Variants in SMG1 observed in about 807,000 individuals in gnomAD.
SMG1 encodes the protein SMG1 nonsense mediated mRNA decay associated PI3K related kinase.
SMG1 carries 22 observed loss-of-function variants against 419.9 expected under a neutral mutation model. The ratio of observed to expected loss-of-function variants is 0.05; its 90% confidence interval spans 0.04 to 0.07. The LOEUF (loss-of-function observed/expected upper bound fraction) is 0.07, where lower values mean the gene tolerates loss of function less well. SMG1 is among the 10% of genes least tolerant of loss of function. The pLI is 1.00. For synonymous variants in SMG1, 1,538 were observed against 1,553.5 expected (o/e 0.99, Z 0.23); for missense variants, 3,185 against 4,342.0 (o/e 0.73, Z 7.49).
At position 18,859,276 on chromosome 16, in the gene SMG1, C is replaced by G. The variant is rs530226861; in HGVS notation, c.3954-95G>C. ...GATAAGATGCTATCAAACTGACATCCAAAGTTAGGGGGCAGTAAGAGGAGC... is the reference window on the plus strand; with the variant it reads ...GATAAGATGCTATCAAACTGACATCGAAAGTTAGGGGGCAGTAAGAGGAGC... On this transcript the variant is annotated intron_variant, in intron 27 of 62. Transcript: ENST00000446231. The G allele has an allele frequency of 5.7e-4, 521 of 909,180 alleles. 6 individuals are homozygous for G. In the African/African-American group the frequency reaches 7.2e-3, roughly 13 times the overall value. The allele number at this position is 909,180 out of a possible 1,614,324, so 56.3% of individuals were successfully genotyped here. A position where few individuals can be genotyped will look rare whatever the true frequency, so the allele number is the denominator to read the frequency against.
intron 1 of SMG1, among the ~76,000 whole-genome samples, chr16:18,901,293 A>C (rs944290959): frequency 1.3e-5 from 2 of 152,130 alleles, no homozygotes; most frequent in African/African-American, 2.4e-5. Flanking sequence ...GCATGACCAT[A>C]GCTCACTGCA....
chr16:18,908,818 T>C (rs2037681828), intron 1 of SMG1, among the ~76,000 whole-genome samples: 1 of 149,858 alleles, frequency 6.7e-6, no homozygotes, highest in Non-Finnish European at 1.5e-5. Context: ...AGGTGGAGCA[T>C]GCAGTAAGCT....
At chr16:18,924,924 C>T (rs1311134903) in intron 1 of SMG1, 1 of 152,014 alleles carries the variant, frequency 6.6e-6, no homozygotes, top group East Asian at 1.9e-4. Flanking sequence ...AAGGGCTTCC[C>T]AACAACTTGC....
At chr16:18,884,894 C>T (rs2036552658) in intron 8 of SMG1, 196 bp downstream of exon 8, 1 of 581,300 alleles carries the variant, frequency 1.7e-6, no homozygotes, top group East Asian at 2.9e-5. Flanking sequence ...CCTGTCTGTA[C>T]TTACTGTACC....
intron 23 of SMG1, among the ~76,000 whole-genome samples, chr16:18,865,261 A>G (rs1443532288): frequency 6.6e-6 from 1 of 152,228 alleles, no homozygotes; most frequent in East Asian, 1.9e-4. Flanking sequence ...TTAGTCATTA[A>G]TAAATATAGA....
intron 25 of SMG1, among the ~76,000 whole-genome samples, chr16:18,861,765 G>C (rs188413891): frequency 1.1e-3 from 163 of 152,252 alleles, no homozygotes; most frequent in Non-Finnish European, 1.9e-3. Context: ...TATGCTTTCA[G>C]CTAATGACTC....
intron 45 of SMG1, 63 bp downstream of exon 45, chr16:18,837,951 G>A: frequency 3.9e-6 from 6 of 1,525,132 alleles, no homozygotes; most frequent in Non-Finnish European, 5.4e-6. Flanking sequence ...TCAACATTTT[G>A]ATGAGCATGT....
intron 1 of SMG1, among the ~76,000 whole-genome samples, chr16:18,901,707 G>T (rs1365519700): frequency 6.6e-6 from 1 of 152,146 alleles, no homozygotes; most frequent in Non-Finnish European, 1.5e-5. Context: ...AGAAGCAGTG[G>T]CTCACACCTG....
intron 9 of SMG1, among the ~76,000 whole-genome samples, chr16:18,883,650 G>A (rs1334908584): frequency 6.6e-6 from 1 of 152,152 alleles, no homozygotes; most frequent in South Asian, 2.1e-4. Context: ...TGGGCACGGG[G>A]GCTCACGCCT....
chr16:18,836,570 T>C, intron 46 of SMG1, 38 bp from the exon 47 acceptor site: 3 of 1,603,934 alleles, frequency 1.9e-6, no homozygotes, highest in African/African-American at 1.3e-5. Context: ...AAAGATTTAT[T>C]GCTGTTTTCT....
At chr16:18,816,246 C>A (rs1438799764) in intron 58 of SMG1, 56 bp downstream of exon 58, 1 of 1,338,418 alleles carries the variant, frequency 7.5e-7, no homozygotes, top group Admixed American at 2.4e-5. Flanking sequence ...AATAAAACTA[C>A]TTGTAAATTT....
At chr16:18,908,056 CT>C in intron 1 of SMG1, among the ~76,000 whole-genome samples, 1 of 151,970 alleles carries the variant, frequency 6.6e-6, no homozygotes, top group Non-Finnish European at 1.5e-5. Context: ...ATATGCATCC[CT>C]CCCCGACCAG....
At chr16:18,900,863 G>GT (rs1327160117) in intron 1 of SMG1, among the ~76,000 whole-genome samples, 1 of 152,078 alleles carries the variant, frequency 6.6e-6, no homozygotes, top group Admixed American at 6.6e-5. Flanking sequence ...TAAATTCAAG[G>GT]TTTTCCCCTG....
chr16:18,922,859 C>T (rs1441009816), intron 1 of SMG1, among the ~76,000 whole-genome samples: 2 of 152,068 alleles, frequency 1.3e-5, no homozygotes, highest in African/African-American at 4.8e-5. Context: ...GGTGGGCAGA[C>T]TGTTTGAGTT....
chr16:18,844,155 G>A (rs2034091585), intron 39 of SMG1, among the ~76,000 whole-genome samples: 1 of 152,026 alleles, frequency 6.6e-6, no homozygotes, highest in African/African-American at 2.4e-5. Context: ...CAGGCCGGGA[G>A]CAGTGGCTCA....
At chr16:18,898,662 T>C (rs769116455) in intron 1 of SMG1, among the ~76,000 whole-genome samples, 30 of 152,196 alleles carry the variant, frequency 2.0e-4, no homozygotes, top group Non-Finnish European at 3.4e-4. Context: ...TAAGCTCTTA[T>C]TAGATGAGCG....
intron 55 of SMG1, among the ~76,000 whole-genome samples, chr16:18,821,241 CTT>C (rs2032528443): frequency 3.1e-5 from 1 of 31,890 alleles, no homozygotes; most frequent in African/African-American, 1.1e-4. Context: ...TTTTTTTTTT[CTT>C]TTTTTTTTCT....
At chr16:18,835,850 G>T in intron 48 of SMG1, 83 bp downstream of exon 48, 1 of 1,376,614 alleles carries the variant, frequency 7.3e-7, no homozygotes, top group Non-Finnish European at 9.9e-7. Flanking sequence ...AGTGAGCCAA[G>T]ATCATGCCAC....
At chr16:18,818,135 C>T (rs2032183287) in intron 56 of SMG1, among the ~76,000 whole-genome samples, 1 of 151,692 alleles carries the variant, frequency 6.6e-6, no homozygotes, top group Non-Finnish European at 1.5e-5. Flanking sequence ...GTAATCCCAG[C>T]ACTTTGGGAG....
Sources: gnomAD v4.1 joint callset for allele counts (sites outside exome capture counted in the v4.1 genomes callset) on GRCh38, gnomAD v4.1.1 for gene constraint, MANE v1.5 for transcripts, NCBI Gene and HGNC (gene_info 2026-07-23, HGNC 2026-07-21) for gene names.